The following DNASE2 variants were observed in gnomAD, a reference collection of about 807,000 sequenced individuals.
The protein encoded by DNASE2 is deoxyribonuclease 2, lysosomal, also known as deoxyribonuclease-2-alpha.
Under a neutral mutation model 29.8 loss-of-function variants are expected in DNASE2, and 26 were observed. The observed-to-expected ratio is 0.87, with a 90% confidence interval of 0.64 to 1.21. DNASE2 has a LOEUF of 1.21. Ranked by LOEUF, DNASE2 falls within the 50% of genes most tolerant of loss-of-function variation. The pLI is 0.00. For synonymous variants in DNASE2, 186 were observed against 193.5 expected (o/e 0.96, Z 0.32); for missense variants, 415 against 455.6 (o/e 0.91, Z 0.81).
intron 5 of DNASE2, among the ~76,000 whole-genome samples, chr19:12,877,646 C>T (rs544022184): frequency 1.7e-4 from 26 of 149,508 alleles, no homozygotes; most frequent in Admixed American, 2.0e-4. Context: ...TCCGGGTTCA[C>T]GCCATTCTCC....
Position 12,881,046 on chromosome 19 carries a change from T to A in DNASE2, c.193A>T (p.Arg65Trp). ...DESSGGWRDGRALINSPEGAV... is the reference protein window; with the variant it reads ...DESSGGWRDGWALINSPEGAV... Reference sequence around the variant, plus strand: ...CCCTCCGGGCTGTTGATGAGTGCCCTGCCGTCCCGCCAGCCTCCGGAGCTC... The same window carrying A: ...CCCTCCGGGCTGTTGATGAGTGCCCAGCCGTCCCGCCAGCCTCCGGAGCTC... Residue 65 changes from arginine (R) to tryptophan (W), a missense_variant, in exon 2 of 6, where the codon AGG becomes TGG. Coordinates refer to ENST00000222219, the MANE Select transcript of DNASE2 (RefSeq NM_001375.3). 6 of 1,613,486 alleles carry A rather than the reference T, an allele frequency of 3.7e-6. No individual in the cohort carries two copies. The highest frequency in any genetic ancestry group is 5.1e-6 in the Non-Finnish European group (6 of 1,180,010).
intron 1 of DNASE2, 21 bp downstream of exon 1, chr19:12,881,269 G>A (rs1270311073): frequency 6.3e-7 from 1 of 1,584,994 alleles, no homozygotes; most frequent in East Asian, 2.3e-5. Context: ...GGCGATGGTA[G>A]GCCCCCCGCT....
At position 12,877,948 on chromosome 19, in the gene DNASE2, T is replaced by C. The variant is rs994825457; in HGVS notation, c.709+434A>G. 6.5e-5 allele frequency: 20 copies of C among 308,404 alleles called. 1 individual carries two copies. The highest frequency in any genetic ancestry group is 5.8e-4 in the South Asian group (20 of 34,466). The allele number at this position is 308,404 out of a possible 1,614,324, so 19.1% of individuals were successfully genotyped here. ...GCAGTCTGAAACTCTGGGCTCAATT[T>C]ATCCTCCTGCCTCAGCCTCCCAAGT... On this transcript the variant is annotated intron_variant, in intron 5 of 5. Coordinates refer to ENST00000222219, the MANE Select transcript of DNASE2 (RefSeq NM_001375.3).
chr19:12,881,070 T>A lies in DNASE2; in HGVS notation c.169A>T (p.Ser57Cys), dbSNP rs772310267. The change falls in exon 2 of 6, where the codon AGC becomes TGC. Residue 57 changes from serine (S) to cysteine (C), a missense_variant. Physicochemically the swap from Ser to Cys is moderately radical, Grantham distance 112. Transcript: ENST00000222219. ...RGLQYKYLDE[S>C]SGGWRDGRAL... Reference sequence around the variant, plus strand: ...CTGCCGTCCCGCCAGCCTCCGGAGCTCTCGTCCAGATACTTGTACTGCAGC... The same window carrying A: ...CTGCCGTCCCGCCAGCCTCCGGAGCACTCGTCCAGATACTTGTACTGCAGC... The A allele has an allele frequency of 1.9e-6, 3 of 1,612,648 alleles. No homozygotes were observed. The highest frequency in any genetic ancestry group is 2.5e-6 in the Non-Finnish European group (3 of 1,179,968).
In DNASE2 at chr19:12,881,356, G is replaced by A. The variant is rs867118249; in HGVS notation, c.20C>T (p.Ala7Val). Residue 7 changes from alanine (A) to valine (V), a missense_variant, in exon 1 of 6, where the codon GCA becomes GTA. Coordinates refer to ENST00000222219, the MANE Select transcript of DNASE2 (RefSeq NM_001375.3). MIPLLLAALLCVPAGAL... is the reference protein window; with the variant it reads MIPLLLVALLCVPAGAL... ...CCCGGCGGGGACGCACAGCAGCGCT[G>A]CCAGCAGCAGCGGGATCATAGCTGC... is the stretch of plus-strand genomic sequence containing the variant. 9 of 1,562,340 alleles carry A rather than the reference G, an allele frequency of 5.8e-6. No homozygotes were observed. Among genetic ancestry groups the A allele is most frequent in the Non-Finnish European group, 6.9e-6 (8 of 1,154,440 alleles).
rs1247539097 is a variant in DNASE2, at chr19:12,879,125, G to C, written c.347-291C>G. The stretch of plus-strand genomic sequence containing the variant: ...CCACTGCACTCCAGCCTGGGCCACA[G>C]AGCAAAATTTCATCTCAAACATAAG... On this transcript the variant is annotated intron_variant, in intron 3 of 5. Transcript: ENST00000222219. 2.0e-5 allele frequency among the ~76,000 whole-genome samples: 3 copies of C among 147,384 alleles called. No homozygotes were observed. The East Asian group carries it at 6.2e-4, about 30-fold the overall frequency.
Position 12,875,701 on chromosome 19 carries a change from GCC to G in DNASE2, c.*287_*288del, listed in dbSNP as rs905113202. 2.5e-5 allele frequency: 5 copies of G among 197,968 alleles called. No individual in the cohort carries two copies. The highest frequency in any genetic ancestry group is 1.3e-4 in the Admixed American group (2 of 14,956). 12.3% of individuals were successfully genotyped at this position (197,968 alleles called of 1,614,324 possible). ...GAGCCACTGCACCCACCCGTCCCCC[GCC>G]CCCCCTTTTTTTTTGAAACAGAGTC... On this transcript the variant is annotated 3_prime_UTR_variant, in exon 6 of 6. Transcript: ENST00000222219.
intron 3 of DNASE2, among the ~76,000 whole-genome samples, chr19:12,879,376 C>A (rs1382232035): frequency 4.1e-5 from 6 of 146,398 alleles, no homozygotes; most frequent in Non-Finnish European, 6.0e-5. Flanking sequence ...CCCAGCTACT[C>A]GGGAGGCTGA....
intron 3 of DNASE2, 119 bp from the exon 4 acceptor site, chr19:12,878,953 G>T (rs1019226915): frequency 1.6e-6 from 2 of 1,280,644 alleles, no homozygotes; most frequent in African/African-American, 3.0e-5. Context: ...AATCAGCCTG[G>T]CCAACATGGC....
intron 5 of DNASE2, among the ~76,000 whole-genome samples, chr19:12,877,215 G>A (rs901986590): frequency 1.4e-4 from 22 of 151,840 alleles, no homozygotes; most frequent in African/African-American, 4.8e-4. Flanking sequence ...GAGCCACCGC[G>A]TCCGGCCCTG....
intron 3 of DNASE2, 34 bp from the exon 4 acceptor site, chr19:12,878,868 C>T (rs370571295): frequency 1.1e-5 from 18 of 1,595,708 alleles, no homozygotes; most frequent in East Asian, 4.6e-5. Flanking sequence ...GGAGGTCGGG[C>T]GCAGTGGCTC....
At chr19:12,878,090 C>T (rs1434292774) in intron 5 of DNASE2, 2 of 430,376 alleles carry the variant, frequency 4.6e-6, no homozygotes, top group Non-Finnish European at 8.7e-6. Flanking sequence ...ACTGGGATTA[C>T]AGGAGTGAGG....
At position 12,881,052 on chromosome 19, in the gene DNASE2, C is replaced by T; in HGVS notation, c.187G>A (p.Asp63Asn). Residue 63 changes from aspartate to asparagine, a missense_variant, in exon 2 of 6, where the codon GAC becomes AAC. Asp to Asn is a conservative substitution (Grantham distance 23, BLOSUM62 1). Transcript: ENST00000222219. Reference sequence around the variant, plus strand: ...GGGCTGTTGATGAGTGCCCTGCCGTCCCGCCAGCCTCCGGAGCTCTCGTCC... The same window carrying T: ...GGGCTGTTGATGAGTGCCCTGCCGTTCCGCCAGCCTCCGGAGCTCTCGTCC... Reference protein sequence around the residue: ...YLDESSGGWRDGRALINSPEG... With the variant: ...YLDESSGGWRNGRALINSPEG... 1.2e-6 allele frequency: 2 copies of T among 1,613,334 alleles called. No individual in the cohort carries two copies. The highest frequency in any genetic ancestry group is 2.2e-5 in the East Asian group (1 of 44,884).
Position 12,878,733 on chromosome 19 carries a change from C to G in DNASE2, c.448G>C (p.Ala150Pro). The G allele has an allele frequency of 6.2e-7, 1 of 1,614,004 alleles. No homozygotes were observed. The highest frequency in any genetic ancestry group is 1.1e-5 in the South Asian group (1 of 91,066). Reference sequence around the variant, plus strand: ...AGCAGGGTCTGCCCGTAGGTACAGGCGCTATGAGGCCAGCTGTATGCAGCA... The same window carrying G: ...AGCAGGGTCTGCCCGTAGGTACAGGGGCTATGAGGCCAGCTGTATGCAGCA... ...SSAAYSWPHSACTYGQTLLCV... is the reference protein window; with the variant it reads ...SSAAYSWPHSPCTYGQTLLCV... Residue 150 changes from alanine (A) to proline (P), a missense_variant, in exon 4 of 6, where the codon GCC becomes CCC. Transcript: ENST00000222219.
intron 3 of DNASE2, among the ~76,000 whole-genome samples, chr19:12,879,701 C>T (rs1032336895): frequency 1.3e-5 from 2 of 152,050 alleles, no homozygotes; most frequent in South Asian, 2.1e-4. Context: ...CCAGGTGTGG[C>T]GGCTCATGCC....
At position 12,876,250 on chromosome 19, in the gene DNASE2, T is replaced by G; in HGVS notation, c.823A>C (p.Asn275His). Residue 275 changes from asparagine (N) to histidine (H), a missense_variant, in exon 6 of 6, where the codon AAT (asparagine) becomes CAT (histidine). Asn to His is a moderately conservative substitution (Grantham distance 68). Coordinates refer to ENST00000222219, the MANE Select transcript of DNASE2 (RefSeq NM_001375.3). Reference sequence around the variant, plus strand: ...CCAGGGAAAGCTATCTGGTTCACATTCAGAACCTGCCAGATATCCGAGCAG... The same window carrying G: ...CCAGGGAAAGCTATCTGGTTCACATGCAGAACCTGCCAGATATCCGAGCAG... ...SNCSDIWQVL[N>H]VNQIAFPGPA... 6.2e-7 allele frequency: 1 copy of G among 1,614,150 alleles called. No homozygotes were observed. Among genetic ancestry groups the G allele is most frequent in the Middle Eastern group, 1.6e-4 (1 of 6,062 alleles).
rs1477024878 is a variant in DNASE2 at position 12,878,692 on chromosome 19, G to A, written c.489C>T (p.Pro163=). Residue 163 remains proline, a synonymous_variant, in exon 4 of 6, where the codon CCC becomes CCT. Coordinates refer to ENST00000222219, the MANE Select transcript of DNASE2 (RefSeq NM_001375.3). ...YGQTLLCVSF[P]FAQFSKMGKQ... is the part of the protein sequence containing the mutation. ...TACCCATCTTCGAGAACTGAGCGAA[G>A]GGAAAAGACACACAGAGCAGGGTCT... is the stretch of plus-strand genomic sequence containing the variant. 4 of 1,614,130 alleles carry A rather than the reference G, an allele frequency of 2.5e-6. No homozygotes were observed. The highest frequency in any genetic ancestry group is 3.4e-6 in the Non-Finnish European group (4 of 1,180,028).
intron 3 of DNASE2, 29 bp downstream of exon 3, chr19:12,880,773 C>T (rs1970370945): frequency 6.2e-7 from 1 of 1,613,976 alleles, no homozygotes; most frequent in African/African-American, 1.3e-5. Context: ...GGACCCGAGT[C>T]TCTCCCCAGC....
intron 3 of DNASE2, among the ~76,000 whole-genome samples, chr19:12,879,197 T>A (rs1007924882): frequency 2.1e-5 from 3 of 140,918 alleles, no homozygotes; most frequent in Non-Finnish European, 4.6e-5. Flanking sequence ...TAAATAAAAA[T>A]TTAAAAAAAG....
Sources: gnomAD v4.1 joint callset for allele counts (sites outside exome capture counted in the v4.1 genomes callset) on GRCh38, gnomAD v4.1.1 for gene constraint, MANE v1.5 for transcripts, NCBI Gene and HGNC (gene_info 2026-07-23, HGNC 2026-07-21) for gene names.